The following SATB2 variants were observed in gnomAD, a reference collection of about 807,000 sequenced individuals.
SATB2 encodes the protein DNA-binding protein SATB2.
SATB2 carries 1 observed loss-of-function variant against 73.4 expected under a neutral mutation model. The observed-to-expected ratio is 0.01, with a 90% CI of 0.00 to 0.06. The LOEUF (loss-of-function observed/expected upper bound fraction) is 0.06, where lower values mean the gene tolerates loss of function less well. SATB2 is among the 10% of genes least tolerant of loss of function. SATB2 has a pLI of 1.00. For missense variants in SATB2, 459 were observed against 945.8 expected (o/e 0.49, Z 6.75); for synonymous variants, 397 against 367.0 (o/e 1.08, Z -0.93).
chr2:199,329,344 TG>T (rs1688121773), intron 7 of SATB2: 1 of 167,866 alleles, frequency 6.0e-6, no homozygotes, highest in African/African-American at 2.4e-5. Context: ...TTAAACAGCA[TG>T]GTAGATTTAC....
chr2:199,281,187 T>C (rs564167150), intron 10 of SATB2, among the ~76,000 whole-genome samples: 1 of 150,120 alleles, frequency 6.7e-6, no homozygotes. Flanking sequence ...TGAGCTGAGA[T>C]CACACCACTG....
chr2:199,290,966 G>A (rs1328344669), intron 10 of SATB2, among the ~76,000 whole-genome samples: 1 of 152,134 alleles, frequency 6.6e-6, no homozygotes, highest in African/African-American at 2.4e-5. Flanking sequence ...AAAGCCAGAA[G>A]TATTTGTTAA....
At chr2:199,387,987 C>T (rs1690011477) in intron 3 of SATB2, among the ~76,000 whole-genome samples, 1 of 152,126 alleles carries the variant, frequency 6.6e-6, no homozygotes, top group Admixed American at 6.5e-5. Flanking sequence ...TCAAAGAAAA[C>T]AGTTACTATT....
Position 199,272,805 on chromosome 2 carries a change from T to C in SATB2, c.1741-133A>G. On this transcript the variant is annotated intron_variant, in intron 10 of 10. Transcript: ENST00000417098. This position sits in a 1 kb window ranked among gnomAD's most constrained non-coding sequence, Gnocchi z 6.7. ...ATAGTCATTTGTAAAGTCAGGTCTT[T>C]GGAAAGCTTAAAAGCATTTCTGGAC... is the stretch of plus-strand genomic sequence containing the variant. 2 of 848,716 alleles carry C rather than the reference T, an allele frequency of 2.4e-6. No homozygotes were observed. The highest frequency in any genetic ancestry group is 3.8e-6 in the Non-Finnish European group (2 of 520,128). The allele number at this position is 848,716 out of a possible 1,614,324, so 52.6% of individuals were successfully genotyped here. A position where few individuals can be genotyped will look rare whatever the true frequency, so the allele number is the denominator to read the frequency against.
intron 3 of SATB2, among the ~76,000 whole-genome samples, chr2:199,404,821 G>A (rs544044592): frequency 2.6e-5 from 4 of 151,978 alleles, no homozygotes; most frequent in Non-Finnish European, 5.9e-5. Context: ...TTTCCTTTCT[G>A]GTTATGCCCT....
At chr2:199,367,523 C>CTTTGACATCCTGTCTCCCCTGACATCA (rs1689321883) in intron 6 of SATB2, among the ~76,000 whole-genome samples, 2 of 152,154 alleles carry the variant, frequency 1.3e-5, no homozygotes, top group African/African-American at 4.8e-5. Flanking sequence ...CAATAGCCAA[C>CTTTGACATCCTGTCTCCCCTGACATCA]AAGCACTACT....
chr2:199,335,230 A>G (rs1234010530), intron 7 of SATB2, among the ~76,000 whole-genome samples: 1 of 152,188 alleles, frequency 6.6e-6, no homozygotes, highest in African/African-American at 2.4e-5. Flanking sequence ...TTATTAGGAA[A>G]GACAGCCTAT....
intron 10 of SATB2, among the ~76,000 whole-genome samples, chr2:199,278,055 T>C (rs1692370764): frequency 6.6e-6 from 1 of 152,154 alleles, no homozygotes; most frequent in South Asian, 2.1e-4. Flanking sequence ...AAATAAAATA[T>C]CAGCTAGTAA....
intron 6 of SATB2, among the ~76,000 whole-genome samples, chr2:199,356,401 G>C (rs1688986882): frequency 6.6e-6 from 1 of 151,906 alleles, no homozygotes; most frequent in South Asian, 2.1e-4. Context: ...ATTTCAAATT[G>C]GTACCCAAAC....
At chr2:199,356,445 G>C (rs1688988139) in intron 6 of SATB2, among the ~76,000 whole-genome samples, 1 of 152,032 alleles carries the variant, frequency 6.6e-6, no homozygotes, top group Admixed American at 6.6e-5. Context: ...TCGAGCATAT[G>C]AATGCCTTAA....
intron 2 of SATB2, among the ~76,000 whole-genome samples, chr2:199,441,391 TC>T (rs1691812338): frequency 6.6e-6 from 1 of 152,146 alleles, no homozygotes; most frequent in Admixed American, 6.5e-5. Flanking sequence ...GAATATTATT[TC>T]TCAATTTTAT....
At chr2:199,289,148 T>C (rs1283434155) in intron 10 of SATB2, among the ~76,000 whole-genome samples, 1 of 152,212 alleles carries the variant, frequency 6.6e-6, no homozygotes, top group Non-Finnish European at 1.5e-5. Flanking sequence ...TTTTAATTCA[T>C]TATGGGAATA....
chr2:199,401,400 AAGATTAGC>A (rs1316361539), intron 3 of SATB2, among the ~76,000 whole-genome samples: 3 of 151,848 alleles, frequency 2.0e-5, no homozygotes, highest in Non-Finnish European at 4.4e-5. Context: ...CAAAAAAAAA[AAGATTAGC>A]CAGGCGTGGT....
At position 199,455,781 on chromosome 2, in the gene SATB2, G is replaced by T; in HGVS notation, c.169+88C>A. ...AATTCACTTCCTGTAATCCTACACC[G>T]CGACAGCGCCTAATCAACCTGAACC... On this transcript the variant is annotated intron_variant, in intron 2 of 10. Transcript: ENST00000417098. This position sits in a 1 kb window ranked among gnomAD's most constrained non-coding sequence, Gnocchi z 4.1. The T allele has an allele frequency of 1.4e-6, 2 of 1,432,886 alleles. No homozygotes were observed. The highest frequency in any genetic ancestry group is 1.9e-6 in the Non-Finnish European group (2 of 1,055,282). The allele number at this position is 1,432,886 out of a possible 1,614,324, so 88.8% of individuals were successfully genotyped here.
chr2:199,432,045 G>A (rs1020519293), intron 3 of SATB2, among the ~76,000 whole-genome samples: 14 of 152,090 alleles, frequency 9.2e-5, no homozygotes, highest in Admixed American at 3.3e-4. Flanking sequence ...AAGGAAAGTC[G>A]TTGGAAAAAG....
intron 5 of SATB2, chr2:199,368,936 A>G (rs769635513): frequency 4.5e-6 from 2 of 440,642 alleles, no homozygotes; most frequent in Non-Finnish European, 8.2e-6. Flanking sequence ...GGCAATGTCA[A>G]CAATGGAGGG....
rs977098674 is a variant in SATB2 at position 199,382,692 on chromosome 2, T to C, written c.347-872A>G. Among the ~76,000 whole-genome samples the C allele has an allele frequency of 2.6e-5, 4 of 152,044 alleles. No individual in the cohort carries two copies. In the South Asian group the frequency reaches 8.3e-4, roughly 32 times the overall value. Reference sequence around the variant, plus strand: ...TCTGGTACACAGGGCACACGTAACATTGATGAAGAAAAATAGAGAAACCCA... The same window carrying C: ...TCTGGTACACAGGGCACACGTAACACTGATGAAGAAAAATAGAGAAACCCA... On this transcript the variant is annotated intron_variant, in intron 3 of 10. Transcript: ENST00000417098.
chr2:199,365,304 A>G (rs1004114371), intron 6 of SATB2, among the ~76,000 whole-genome samples: 1 of 148,750 alleles, frequency 6.7e-6, no homozygotes, highest in Non-Finnish European at 1.5e-5. Flanking sequence ...ATCAGCAATT[A>G]AAAAAAAAAT....
chr2:199,307,603 A>C (rs1687471905), intron 10 of SATB2, among the ~76,000 whole-genome samples: 1 of 152,190 alleles, frequency 6.6e-6, no homozygotes, highest in South Asian at 2.1e-4. Flanking sequence ...AAGTTTGGGC[A>C]ATTCACTCTG....
Sources: gnomAD v4.1 joint callset for allele counts (sites outside exome capture counted in the v4.1 genomes callset) on GRCh38, gnomAD v4.1.1 for gene constraint, Gnocchi (gnomAD v3.1) non-coding constraint, MANE v1.5 for transcripts, NCBI Gene and HGNC (gene_info 2026-07-23, HGNC 2026-07-21) for gene names.